The following SGCE variants were observed in gnomAD, a reference collection of about 807,000 sequenced individuals.
SGCE encodes epsilon-sarcoglycan.
SGCE carries 26 observed loss-of-function variants against 57.8 expected under a neutral mutation model. The ratio of observed to expected loss-of-function variants is 0.45; its 90% CI spans 0.33 to 0.62. SGCE has a LOEUF of 0.62. SGCE is among the 20% of genes least tolerant of loss of function. SGCE has a pLI of 0.02. For missense variants in SGCE, 468 were observed against 548.6 expected, an observed-to-expected ratio of 0.85 and a Z score of 1.47; for synonymous variants, 183 against 189.5, an observed-to-expected ratio of 0.97 and a Z score of 0.28.
chr7:94,626,990 C>T (rs1803819652), intron 3 of SGCE: 1 of 151,860 alleles, frequency 6.6e-6, no homozygotes, highest in African/African-American at 2.4e-5. Flanking sequence ...TGGTGAATTG[C>T]ATTTATATAT....
At chr7:94,648,376 C>CAAA (rs71123907) in intron 1 of SGCE, among the ~76,000 whole-genome samples, 82 of 65,026 alleles carry the variant, frequency 1.3e-3, no homozygotes, top group South Asian at 6.6e-3. Flanking sequence ...ACTCTGTCTC[C>CAAA]AAAAAAAAAA....
At chr7:94,655,094 C>T (rs1324227214) in intron 1 of SGCE, among the ~76,000 whole-genome samples, 1 of 152,228 alleles carries the variant, frequency 6.6e-6, no homozygotes, top group East Asian at 1.9e-4. Context: ...CGAATCTCGG[C>T]AACCCGCTGG....
At chr7:94,592,105 T>C (rs1797768475) in intron 9 of SGCE, among the ~76,000 whole-genome samples, 1 of 152,242 alleles carries the variant, frequency 6.6e-6, no homozygotes, top group African/African-American at 2.4e-5. Context: ...CCAAGATGTG[T>C]GCACATAGCT....
chr7:94,639,314 G>A, intron 1 of SGCE: 2 of 1,348,318 alleles, frequency 1.5e-6, no homozygotes, highest in Non-Finnish European at 1.0e-6. Context: ...TCCCCCAAAG[G>A]GATTTAGATT....
At chr7:94,646,250 A>T (rs1048146758) in intron 1 of SGCE, among the ~76,000 whole-genome samples, 1 of 152,388 alleles carries the variant, frequency 6.6e-6, no homozygotes, top group Admixed American at 6.5e-5. Context: ...GCAATGCAGC[A>T]AAAGCAAAAA....
At chr7:94,608,658 C>T (rs1800532399) in intron 5 of SGCE, among the ~76,000 whole-genome samples, 1 of 152,102 alleles carries the variant, frequency 6.6e-6, no homozygotes, top group African/African-American at 2.4e-5. Flanking sequence ...ACTGACACTA[C>T]CCAACATCAA....
intron 5 of SGCE, 71 bp from the exon 6 acceptor site, chr7:94,603,523 A>G (rs1441344476): frequency 6.9e-7 from 1 of 1,444,582 alleles, no homozygotes; most frequent in Non-Finnish European, 9.6e-7. Flanking sequence ...TCCACCTTAA[A>G]AGCAGGATTT....
intron 9 of SGCE, chr7:94,598,374 A>G (rs1798717173): frequency 5.1e-6 from 1 of 195,838 alleles, no homozygotes; most frequent in Non-Finnish European, 1.0e-5. Context: ...AATTTAGATT[A>G]CAAAGGTCTA....
At chr7:94,601,338 T>C (rs1216670550) in intron 6 of SGCE, among the ~76,000 whole-genome samples, 1 of 150,616 alleles carries the variant, frequency 6.6e-6, no homozygotes, top group Admixed American at 6.6e-5. Context: ...TCCAAACGTG[T>C]CGTCCTTGAT....
chr7:94,651,082 A>AT (rs761994987), intron 1 of SGCE, among the ~76,000 whole-genome samples: 2 of 151,574 alleles, frequency 1.3e-5, no homozygotes, highest in African/African-American at 4.8e-5. Context: ...AACCTAACTA[A>AT]TTTTTTTTTC....
At chr7:94,623,795 G>A (rs765107515) in intron 3 of SGCE, 262 of 379,486 alleles carry the variant, frequency 6.9e-4, no homozygotes, top group Non-Finnish European at 8.4e-4. Context: ...ATAATGAAAA[G>A]TACACTTTAA....
intron 1 of SGCE, among the ~76,000 whole-genome samples, chr7:94,643,831 C>T (rs956279802): frequency 6.6e-5 from 10 of 151,958 alleles, no homozygotes; most frequent in Non-Finnish European, 1.2e-4. Context: ...AGAAAAGGAC[C>T]AATGCATTTT....
At chr7:94,599,853 AT>A in intron 7 of SGCE, 130 bp from the exon 8 acceptor site, 1 of 732,398 alleles carries the variant, frequency 1.4e-6, no homozygotes, top group Non-Finnish European at 2.4e-6. Context: ...ACCAGGCAGC[AT>A]TTGCCACCAG....
chr7:94,587,429 G>C (rs911809983), intron 10 of SGCE: 4 of 1,159,196 alleles, frequency 3.5e-6, no homozygotes, highest in Admixed American at 4.8e-5. Context: ...TCAGAAGATA[G>C]AAATCTTAGG....
At chr7:94,628,137 T>TACACACACAC (rs138881114) in intron 3 of SGCE, 65 bp downstream of exon 3, 51 of 991,912 alleles carry the variant, frequency 5.1e-5, no homozygotes, top group Middle Eastern at 2.2e-4. Context: ...CAAATTACAA[T>TACACACACAC]ACACACACAC....
intron 1 of SGCE, among the ~76,000 whole-genome samples, chr7:94,653,859 TAA>T (rs1262701287): frequency 1.3e-5 from 2 of 152,024 alleles, no homozygotes; most frequent in Non-Finnish European, 2.9e-5. Flanking sequence ...GTTGTTCATT[TAA>T]AATTTTAATT....
chr7:94,605,335 TAAAG>T (rs1799951037), intron 5 of SGCE, among the ~76,000 whole-genome samples: 1 of 150,422 alleles, frequency 6.6e-6, no homozygotes, highest in South Asian at 2.1e-4. Context: ...CAGATCTACA[TAAAG>T]AAAAGTAGAG....
At chr7:94,598,535 C>A in intron 9 of SGCE, 1 of 472,610 alleles carries the variant, frequency 2.1e-6, no homozygotes, top group Non-Finnish European at 3.8e-6. Flanking sequence ...GTGTCAATTT[C>A]TTAAATATTA....
intron 4 of SGCE, chr7:94,619,201 T>G: frequency 2.6e-6 from 1 of 391,924 alleles, no homozygotes; most frequent in South Asian, 4.0e-5. Context: ...ATCAGGGCAA[T>G]TTATAGTTAT....
Sources: gnomAD v4.1 joint callset for allele counts (sites outside exome capture counted in the v4.1 genomes callset) on GRCh38, gnomAD v4.1.1 for gene constraint, MANE v1.5 for transcripts, NCBI Gene and HGNC (gene_info 2026-07-23, HGNC 2026-07-21) for gene names.